Variants in TTC13 observed in about 807,000 individuals in gnomAD.
TTC13 encodes tetratricopeptide repeat domain 13.
A neutral mutation model predicts 120.0 loss-of-function variants in TTC13; 62 were observed. The observed-to-expected ratio is 0.52, with a 90% CI of 0.42 to 0.64. TTC13 has a LOEUF of 0.64. TTC13 is among the 30% of genes least tolerant of loss of function. TTC13 has a pLI of 0.00. For synonymous variants in TTC13, 384 were observed against 393.5 expected, an observed-to-expected ratio of 0.98 and a Z score of 0.28; for missense variants, 824 against 1,050.2, an observed-to-expected ratio of 0.78 and a Z score of 2.98.
chr1:230,963,645 A>C (rs1470598687), intron 1 of TTC13, among the ~76,000 whole-genome samples: 1 of 69,944 alleles, frequency 1.4e-5, no homozygotes, highest in Non-Finnish European at 3.2e-5. Context: ...AAAATAAATA[A>C]ATAAATAAAT....
chr1:230,975,123 C>T (rs1257826914), intron 1 of TTC13, among the ~76,000 whole-genome samples: 1 of 151,878 alleles, frequency 6.6e-6, no homozygotes. Flanking sequence ...GTCTGTAATC[C>T]CAACACTTTG....
intron 4 of TTC13, among the ~76,000 whole-genome samples, chr1:230,945,957 G>C (rs1027079685): frequency 3.3e-5 from 5 of 152,226 alleles, no homozygotes; most frequent in Non-Finnish European, 5.9e-5. Context: ...ATCTGTTGGA[G>C]ATTAATTCAA....
chr1:230,908,151 T>A (rs1029752755), intron 22 of TTC13, among the ~76,000 whole-genome samples: 2 of 152,158 alleles, frequency 1.3e-5, no homozygotes, highest in African/African-American at 4.8e-5. Flanking sequence ...AAATAAGACT[T>A]TGGTAATTTT....
At position 230,944,339 on chromosome 1, in the gene TTC13, T is replaced by G. The variant is rs1399268642; in HGVS notation, c.580-441A>C. ...CCTTAAGAAGTTTAGGTACATTCTC[T>G]TTAACATTTGCACATTATTTTTACA... On this transcript the variant is annotated intron_variant, in intron 5 of 22. Transcript: ENST00000366661. The surrounding 1 kb of genome is among the most constrained non-coding windows in gnomAD (Gnocchi z 4.0). Among the ~76,000 whole-genome samples the G allele has an allele frequency of 6.6e-6, 1 of 152,238 alleles. No homozygotes were observed. The highest frequency in any genetic ancestry group is 2.4e-5 in the African/African-American group (1 of 41,462).
intron 1 of TTC13, among the ~76,000 whole-genome samples, chr1:230,974,920 T>G (rs1678123557): frequency 6.6e-6 from 1 of 152,228 alleles, no homozygotes; most frequent in Non-Finnish European, 1.5e-5. Flanking sequence ...TCAACAAAGC[T>G]TGAAGTTATA....
At position 230,962,922 on chromosome 1, in the gene TTC13, G is replaced by A. The variant is rs112342816; in HGVS notation, c.272-1619C>T. 2.8e-4 allele frequency among the ~76,000 whole-genome samples: 43 copies of A among 152,276 alleles called. No individual in the cohort carries two copies. The South Asian group carries it at 7.3e-3, about 26-fold the overall frequency. ...GACAAAATGCAGATTGGTGATTGCCGGGGATAGGGGAAGGAGGGACTAGGG... is the reference window on the plus strand; with the variant it reads ...GACAAAATGCAGATTGGTGATTGCCAGGGATAGGGGAAGGAGGGACTAGGG... On this transcript the variant is annotated intron_variant, in intron 1 of 22. Transcript: ENST00000366661.
chr1:230,970,258 C>G (rs530424747), intron 1 of TTC13, among the ~76,000 whole-genome samples: 1 of 152,196 alleles, frequency 6.6e-6, no homozygotes, highest in Non-Finnish European at 1.5e-5. Context: ...GCAGTTTCAG[C>G]ACATTGACGA....
chr1:230,961,435 C>T, intron 1 of TTC13, 132 bp from the exon 2 acceptor site: 2 of 647,824 alleles, frequency 3.1e-6, no homozygotes, highest in East Asian at 5.7e-5. Context: ...AAAGTGGCAA[C>T]CAGCTGGGCA....
intron 17 of TTC13, among the ~76,000 whole-genome samples, chr1:230,919,839 C>G (rs1253147765): frequency 6.6e-6 from 1 of 152,200 alleles, no homozygotes; most frequent in Non-Finnish European, 1.5e-5. Flanking sequence ...GCACATACAC[C>G]TCTGATACCT....
At chr1:230,936,198 CT>C (rs1308306236) in intron 8 of TTC13, 2 of 456,142 alleles carry the variant, frequency 4.4e-6, no homozygotes, top group African/African-American at 4.0e-5. Context: ...TCTGATTTCT[CT>C]TCAGCTTTTA....
intron 3 of TTC13, 131 bp from the exon 4 acceptor site, chr1:230,954,534 T>C (rs1675876533): frequency 1.6e-6 from 1 of 614,736 alleles, no homozygotes; most frequent in Non-Finnish European, 2.8e-6. Context: ...AACCTAGAAG[T>C]TAATAAGGTG....
chr1:230,977,396 T>C (rs1572323631), intron 1 of TTC13, among the ~76,000 whole-genome samples: 1 of 152,108 alleles, frequency 6.6e-6, no homozygotes, highest in Non-Finnish European at 1.5e-5. Flanking sequence ...ATACAGAAAG[T>C]GACAGAGGTA....
At position 230,916,302 on chromosome 1, in the gene TTC13, G is replaced by C. The variant is rs771718920; in HGVS notation, c.1984C>G (p.Gln662Glu). 3.1e-6 allele frequency: 5 copies of C among 1,610,888 alleles called. No homozygotes were observed. The South Asian group carries it at 5.5e-5, about 18-fold the overall frequency. ...CCATCCTTCGTTTTAGTATTAAACT[G>C]CTTTCAGGGAAAAAGAAAATTCACG... ...KVEDLLPIMK[Q>E]FNTKTKDGFT... The change falls in exon 18 of 23, where the codon CAG becomes GAG. Residue 662 changes from glutamine to glutamate, a missense_variant and splice_region_variant. By Grantham distance (29) the Gln-to-Glu change is conservative (BLOSUM62 2). Transcript: ENST00000366661.
chr1:230,973,218 CTTCT>C, intron 1 of TTC13, among the ~76,000 whole-genome samples: 1 of 152,272 alleles, frequency 6.6e-6, no homozygotes, highest in South Asian at 2.1e-4. Flanking sequence ...CATAAGTTTC[CTTCT>C]ATTGATTCTC....
intron 15 of TTC13, 40 bp downstream of exon 15, chr1:230,923,801 A>G: frequency 6.4e-7 from 1 of 1,552,750 alleles, no homozygotes; most frequent in Non-Finnish European, 8.9e-7. Context: ...TTGAGAATAA[A>G]CTCCTAGGAA....
intron 18 of TTC13, among the ~76,000 whole-genome samples, chr1:230,913,941 T>C (rs977607176): frequency 2.6e-5 from 4 of 152,026 alleles, no homozygotes; most frequent in Non-Finnish European, 5.9e-5. Flanking sequence ...GCAGGGAAGC[T>C]GGTTTGGGTA....
At position 230,935,700 on chromosome 1, in the gene TTC13, G is replaced by A. The variant is rs529380635; in HGVS notation, c.901-1839C>T. On this transcript the variant is annotated intron_variant, in intron 8 of 22. Coordinates refer to ENST00000366661, the MANE Select transcript of TTC13 (RefSeq NM_024525.5). ...GTGAGGACTGGGGGGCTTCACACAGGTGCATGACCTCAGGAAATGTACTTT... is the reference window on the plus strand; with the variant it reads ...GTGAGGACTGGGGGGCTTCACACAGATGCATGACCTCAGGAAATGTACTTT... Among the ~76,000 whole-genome samples the A allele has an allele frequency of 2.9e-4, 44 of 152,274 alleles. No individual in the cohort carries two copies. In the South Asian group the frequency reaches 8.5e-3, roughly 29 times the overall value.
At chr1:230,976,929 G>C (rs1678372066) in intron 1 of TTC13, among the ~76,000 whole-genome samples, 1 of 152,172 alleles carries the variant, frequency 6.6e-6, no homozygotes. Flanking sequence ...GGCTCCTTTA[G>C]CCAGTGAGCA....
chr1:230,909,885 T>A (rs1396945329), intron 20 of TTC13, among the ~76,000 whole-genome samples: 1 of 146,822 alleles, frequency 6.8e-6, no homozygotes, highest in Non-Finnish European at 1.5e-5. Flanking sequence ...GAGCTGCGAG[T>A]GTGCAGGTCT....
Sources: allele counts gnomAD v4.1 joint callset (sites outside exome capture counted in the v4.1 genomes callset), GRCh38; gene constraint gnomAD v4.1.1; non-coding constraint Gnocchi (gnomAD v3.1); transcripts MANE v1.5; gene names NCBI Gene and HGNC (gene_info 2026-07-23, HGNC 2026-07-21).